Variants in NAA50 observed in about 807,000 individuals in gnomAD.
The protein encoded by NAA50 is N-alpha-acetyltransferase 50.
NAA50 carries 7 observed loss-of-function variants against 20.7 expected under a neutral mutation model. That is an observed-to-expected ratio of 0.34 (90% CI 0.19 to 0.63). The LOEUF is 0.63. Ranked by LOEUF, NAA50 falls within the 30% of genes least tolerant of loss-of-function variation. The pLI is 0.75. For missense variants in NAA50, 111 were observed against 199.1 expected (o/e 0.56, Z 2.66); for synonymous variants, 54 against 70.6 (o/e 0.77, Z 1.18).
chr3:113,746,177 A>C lies in NAA50; in HGVS notation c.-228T>G. On this transcript the variant is annotated 5_prime_UTR_variant, in exon 1 of 5. Coordinates refer to ENST00000240922, the MANE Select transcript of NAA50 (RefSeq NM_025146.4). ...CGCGCTTGTGCCGCCGCTTCTCCAC[A>C]CGTGCACTCGGGTCTCTCGGCTCCC... The C allele has an allele frequency of 6.0e-6, 3 of 503,402 alleles. No individual in the cohort carries two copies. The highest frequency in any genetic ancestry group is 2.1e-5 in the African/African-American group (1 of 48,386). The allele number at this position is 503,402 out of a possible 1,614,324, so 31.2% of individuals were successfully genotyped here.
chr3:113,734,203 A>G (rs1450366110), intron 1 of NAA50, among the ~76,000 whole-genome samples: 1 of 152,190 alleles, frequency 6.6e-6, no homozygotes, highest in African/African-American at 2.4e-5. Flanking sequence ...AAAGTAACAG[A>G]ACACTCAATA....
Position 113,719,320 on chromosome 3 carries a change from G to A in NAA50, c.*2440C>T, listed in dbSNP as rs1184969203. The stretch of plus-strand genomic sequence containing the variant: ...AAAACCTAAATGCAACTAACATAGT[G>A]TAATTTTAACCTATTTGCCCCACAG... On this transcript the variant is annotated 3_prime_UTR_variant, in exon 5 of 5. Coordinates refer to ENST00000240922, the MANE Select transcript of NAA50 (RefSeq NM_025146.4). 6.6e-6 allele frequency: 1 copy of A among 152,558 alleles called. No individual in the cohort carries two copies. The highest frequency in any genetic ancestry group is 1.9e-4 in the East Asian group (1 of 5,204). The allele number at this position is 152,558 out of a possible 1,614,324, so 9.5% of individuals were successfully genotyped here.
chr3:113,723,835 C>G, intron 2 of NAA50, 124 bp downstream of exon 2: 1 of 1,111,318 alleles, frequency 9.0e-7, no homozygotes, highest in South Asian at 2.0e-5. Flanking sequence ...CTAGACCACT[C>G]CCATTTCCTC....
chr3:113,718,002 C>T lies in NAA50; in HGVS notation c.*3758G>A, dbSNP rs1167726673. ...TGTGCAGTCCCCTCCCACACTATAC[C>T]AAGCTGATTCAATGGTTGGTCTGTG... On this transcript the variant is annotated 3_prime_UTR_variant, in exon 5 of 5. Transcript: ENST00000240922. The T allele has an allele frequency of 6.6e-6, 1 of 152,208 alleles. No homozygotes were observed. The highest frequency in any genetic ancestry group is 1.5e-5 in the Non-Finnish European group (1 of 68,098). 9.4% of individuals were successfully genotyped at this position (152,208 alleles called of 1,614,324 possible). A position where few individuals can be genotyped will look rare whatever the true frequency, so the allele number is the denominator to read the frequency against.
At chr3:113,739,262 T>C (rs139980821) in intron 1 of NAA50, among the ~76,000 whole-genome samples, 1 of 152,364 alleles carries the variant, frequency 6.6e-6, no homozygotes. Flanking sequence ...ATGGCTGAAA[T>C]GTCAGCCACA....
intron 1 of NAA50, among the ~76,000 whole-genome samples, chr3:113,739,874 C>A (rs910641760): frequency 6.6e-6 from 1 of 152,170 alleles, no homozygotes; most frequent in Non-Finnish European, 1.5e-5. Flanking sequence ...AACAGATATA[C>A]AAGTGACATA....
In NAA50 at chr3:113,720,959, C is replaced by T. The variant is rs534507815; in HGVS notation, c.*801G>A. 2 of 152,562 alleles carry T rather than the reference C, an allele frequency of 1.3e-5. No individual in the cohort carries two copies. Among genetic ancestry groups the T allele is most frequent in the South Asian group, 2.1e-4 (1 of 4,818 alleles). The allele number at this position is 152,562 out of a possible 1,614,324, so 9.5% of individuals were successfully genotyped here. A position where few individuals can be genotyped will look rare whatever the true frequency, so the allele number is the denominator to read the frequency against. The stretch of plus-strand genomic sequence containing the variant: ...CGGGAAAAAATTAAATCACAACACA[C>T]CTCTTTAGGTCAGTTAAAGGCCATA... On this transcript the variant is annotated 3_prime_UTR_variant, in exon 5 of 5. Transcript: ENST00000240922.
rs148897036 is a variant in NAA50 at position 113,726,723 on chromosome 3, G to A, written c.9-2628C>T. ...CGCACCACTGTACTCCAGCCTGGGC[G>A]AGAGAGCAAGACTCCGCCTCAAAAA... On this transcript the variant is annotated intron_variant, in intron 1 of 4. Coordinates refer to ENST00000240922, the MANE Select transcript of NAA50 (RefSeq NM_025146.4). 2.4e-3 allele frequency among the ~76,000 whole-genome samples: 362 copies of A among 149,818 alleles called. 2 individuals carry two copies. Among genetic ancestry groups the A allele is most frequent in the African/African-American group, 8.4e-3 (343 of 40,732 alleles).
chr3:113,740,536 T>C (rs563960711), intron 1 of NAA50, among the ~76,000 whole-genome samples: 1 of 152,066 alleles, frequency 6.6e-6, no homozygotes, highest in African/African-American at 2.4e-5. Flanking sequence ...CCCAGCTAAT[T>C]ATGATTACTA....
intron 1 of NAA50, among the ~76,000 whole-genome samples, chr3:113,725,593 T>C (rs1708189012): frequency 6.6e-6 from 1 of 151,986 alleles, no homozygotes; most frequent in African/African-American, 2.4e-5. Context: ...AGCAAAACTT[T>C]GTAAGAAATT....
At chr3:113,732,565 T>C (rs1708284537) in intron 1 of NAA50, among the ~76,000 whole-genome samples, 1 of 152,202 alleles carries the variant, frequency 6.6e-6, no homozygotes, top group Non-Finnish European at 1.5e-5. Flanking sequence ...CCAGCTTCGG[T>C]GGCCCCACGC....
chr3:113,727,820 GTTTTTGAGAAATTAATTTGATTT>G (rs1708217980), intron 1 of NAA50, among the ~76,000 whole-genome samples: 1 of 152,062 alleles, frequency 6.6e-6, no homozygotes, highest in African/African-American at 2.4e-5. Flanking sequence ...AAATTAAGCT[GTTTTTGAGAAATTAATTTGATTT>G]TTGCAAGAAA....
intron 4 of NAA50, 118 bp downstream of exon 4, chr3:113,722,788 A>T: frequency 8.3e-7 from 1 of 1,200,084 alleles, no homozygotes; most frequent in Non-Finnish European, 1.1e-6. Flanking sequence ...CTTTGTAACA[A>T]CTACTTCCAC....
chr3:113,744,907 T>A (rs1257477647), intron 1 of NAA50, among the ~76,000 whole-genome samples: 1 of 152,200 alleles, frequency 6.6e-6, no homozygotes, highest in Non-Finnish European at 1.5e-5. Flanking sequence ...TTTTATTTCA[T>A]CCTCAAAAGT....
intron 1 of NAA50, among the ~76,000 whole-genome samples, chr3:113,729,048 C>T (rs1240205342): frequency 6.7e-6 from 1 of 149,546 alleles, no homozygotes; most frequent in African/African-American, 2.5e-5. Flanking sequence ...TGTAGCGGTG[C>T]AATCTCAGCT....
At position 113,729,457 on chromosome 3, in the gene NAA50, G is replaced by A. The variant is rs887105034; in HGVS notation, c.9-5362C>T. 2.6e-4 allele frequency among the ~76,000 whole-genome samples: 39 copies of A among 151,990 alleles called. 1 individual carries two copies. Among genetic ancestry groups the A allele is most frequent in the Admixed American group, 2.4e-3 (36 of 15,274 alleles). ...TTAGGACTACTGTTGATAATTTGACGCTTTTATCATTTTGAAATATCCTTT... is the reference window on the plus strand; with the variant it reads ...TTAGGACTACTGTTGATAATTTGACACTTTTATCATTTTGAAATATCCTTT... On this transcript the variant is annotated intron_variant, in intron 1 of 4. Coordinates refer to ENST00000240922, the MANE Select transcript of NAA50 (RefSeq NM_025146.4).
In NAA50 at chr3:113,718,233, C is replaced by G. The variant is rs941839382; in HGVS notation, c.*3527G>C. ...ATACCCACACAGTGAGGAACAGAAG[C>G]CCAAGAGCCACGTAAGCAAGACATC... On this transcript the variant is annotated 3_prime_UTR_variant, in exon 5 of 5. Coordinates refer to ENST00000240922, the MANE Select transcript of NAA50 (RefSeq NM_025146.4). 1 of 152,142 alleles carries G rather than the reference C, an allele frequency of 6.6e-6. No homozygotes were observed. Among genetic ancestry groups the G allele is most frequent in the African/African-American group, 2.4e-5 (1 of 41,418 alleles). The allele number at this position is 152,142 out of a possible 1,614,324, so 9.4% of individuals were successfully genotyped here.
At chr3:113,730,312 T>C (rs1254329974) in intron 1 of NAA50, among the ~76,000 whole-genome samples, 1 of 152,120 alleles carries the variant, frequency 6.6e-6, no homozygotes, top group Non-Finnish European at 1.5e-5. Flanking sequence ...AAAGATTTAA[T>C]GTAATTATTG....
At chr3:113,743,752 T>C (rs1289231812) in intron 1 of NAA50, among the ~76,000 whole-genome samples, 2 of 152,372 alleles carry the variant, frequency 1.3e-5, no homozygotes, top group African/African-American at 2.4e-5. Flanking sequence ...CTGGCATAGT[T>C]ACTGGCATAA....
Sources: gnomAD v4.1 joint callset for allele counts (sites outside exome capture counted in the v4.1 genomes callset) on GRCh38, gnomAD v4.1.1 for gene constraint, MANE v1.5 for transcripts, NCBI Gene and HGNC (gene_info 2026-07-23, HGNC 2026-07-21) for gene names.